The following KCNAB2 variants were observed in gnomAD, a reference collection of about 807,000 sequenced individuals.
The protein encoded by KCNAB2 is voltage-gated potassium channel subunit beta-2.
Under a neutral mutation model 63.6 loss-of-function variants are expected in KCNAB2, and 29 were observed. The ratio of observed to expected loss-of-function variants is 0.46; its 90% CI spans 0.34 to 0.62. The LOEUF (loss-of-function observed/expected upper bound fraction) is 0.62. KCNAB2 is among the 20% of genes least tolerant of loss of function. The pLI is 0.01. For synonymous variants in KCNAB2, 222 were observed against 224.2 expected (o/e 0.99, Z 0.09); for missense variants, 359 against 563.9 (o/e 0.64, Z 3.68).
chr1:6,026,110 G>T (rs1222722218), intron 1 of KCNAB2: 1 of 152,636 alleles, frequency 6.6e-6, no homozygotes, highest in East Asian at 1.9e-4. Flanking sequence ...GGCCCGGGCT[G>T]TCTCCTCACA....
intron 2 of KCNAB2, among the ~76,000 whole-genome samples, chr1:6,059,497 T>G (rs926707019): frequency 6.6e-6 from 1 of 152,114 alleles, no homozygotes; most frequent in African/African-American, 2.4e-5. Context: ...GCCACACCTG[T>G]TACACTACCG....
At chr1:6,051,985 CCAA>C (rs1348610614) in intron 2 of KCNAB2, among the ~76,000 whole-genome samples, 1 of 152,028 alleles carries the variant, frequency 6.6e-6, no homozygotes, top group Admixed American at 6.6e-5. Context: ...ACCTGTAGTC[CCAA>C]CTACTCAGGA....
chr1:6,015,682 T>C (rs1250479901), intron 1 of KCNAB2, among the ~76,000 whole-genome samples: 1 of 152,106 alleles, frequency 6.6e-6, no homozygotes, highest in Non-Finnish European at 1.5e-5. Context: ...TTTAGAGATT[T>C]TTGGTTGATT....
chr1:6,039,966 AG>A lies in KCNAB2; in HGVS notation c.-52-547del, dbSNP rs550089365. 2.8e-4 allele frequency among the ~76,000 whole-genome samples: 43 copies of A among 152,316 alleles called. No homozygotes were observed. In the East Asian group the frequency reaches 8.1e-3, roughly 29 times the overall value. On this transcript the variant is annotated intron_variant, in intron 1 of 15. Coordinates refer to the KCNAB2 transcript ENST00000164247. ...CTAGGTGCAGCCCACACTCCAGGAC[AG>A]GGGCTGCCCAAGGGCAGGAATCCCA...
intron 2 of KCNAB2, among the ~76,000 whole-genome samples, chr1:6,056,647 G>A (rs1661853820): frequency 6.6e-6 from 1 of 152,152 alleles, no homozygotes; most frequent in Non-Finnish European, 1.5e-5. Context: ...AAGGCTCTAC[G>A]TGGCCCTAGC....
At chr1:6,039,652 T>C (rs1269722022) in intron 1 of KCNAB2, among the ~76,000 whole-genome samples, 1 of 152,184 alleles carries the variant, frequency 6.6e-6, no homozygotes, top group Non-Finnish European at 1.5e-5. Flanking sequence ...ACCCCTGAGC[T>C]GCAGTCGAGG....
At chr1:6,043,122 A>AT (rs1660640304), upstream of KCNAB2, among the ~76,000 whole-genome samples, 2 of 152,326 alleles carry the variant, frequency 1.3e-5, no homozygotes, top group African/African-American at 2.4e-5. Context: ...TAACAAACAT[A>AT]TGCCGCTCAT....
intron 2 of KCNAB2, among the ~76,000 whole-genome samples, chr1:6,066,186 C>T (rs768922870): frequency 6.6e-6 from 1 of 152,204 alleles, no homozygotes; most frequent in Non-Finnish European, 1.5e-5. Context: ...CGCGCCGTGG[C>T]CATGGTGGCC....
intron 1 of KCNAB2, among the ~76,000 whole-genome samples, chr1:6,029,262 G>A (rs536199318): frequency 2.8e-5 from 4 of 143,112 alleles, no homozygotes; most frequent in Admixed American, 7.2e-5. Context: ...CAGCCCGGGC[G>A]ACTGAAGAGA....
chr1:6,000,089 G>A (rs570888343), intron 1 of KCNAB2, among the ~76,000 whole-genome samples: 1 of 152,236 alleles, frequency 6.6e-6, no homozygotes, highest in Non-Finnish European at 1.5e-5. Context: ...CTCTGTCTGT[G>A]CCCCATCTGG....
upstream of KCNAB2, chr1:6,041,529 A>G: frequency 2.2e-6 from 1 of 453,218 alleles, no homozygotes; most frequent in Non-Finnish European, 4.1e-6. Flanking sequence ...CATTCAATCC[A>G]AACCAACCCT....
intron 1 of KCNAB2, among the ~76,000 whole-genome samples, chr1:6,001,808 A>G (rs1657279181): frequency 6.6e-6 from 1 of 152,260 alleles, no homozygotes; most frequent in South Asian, 2.1e-4. Flanking sequence ...CGGCCTCAGA[A>G]AGCCCCTCTA....
chr1:6,089,060 G>A lies in KCNAB2; in HGVS notation c.514+9G>A, dbSNP rs959172575. The A allele has an allele frequency of 4.5e-6, 7 of 1,548,376 alleles. No individual in the cohort carries two copies. The highest frequency in any genetic ancestry group is 4.1e-5 in the African/African-American group (3 of 72,920). Reference sequence around the variant, plus strand: ...GAAGCACATAATCGAAGGTGAGGACGCGCTCGGGCACCTCAGGGCCCCCAT... The same window carrying A: ...GAAGCACATAATCGAAGGTGAGGACACGCTCGGGCACCTCAGGGCCCCCAT... On this transcript the variant is annotated intron_variant, in intron 8 of 15. Transcript: ENST00000378083.
intron 1 of KCNAB2, among the ~76,000 whole-genome samples, chr1:5,997,939 C>T (rs1657029178): frequency 6.6e-6 from 1 of 152,278 alleles, no homozygotes; most frequent in African/African-American, 2.4e-5. Context: ...CCACCTCCCT[C>T]CTCTAGGGCT....
rs527567418 is a variant in KCNAB2, at chr1:6,071,504, G to C, written c.219-1251G>C. Among the ~76,000 whole-genome samples, 7 of 152,340 alleles carry C rather than the reference G, an allele frequency of 4.6e-5. No individual in the cohort carries two copies. Among genetic ancestry groups the C allele is most frequent in the Non-Finnish European group, 1.0e-4 (7 of 68,010 alleles). On this transcript the variant is annotated intron_variant, in intron 2 of 15. Coordinates refer to ENST00000378083, the MANE Select transcript of KCNAB2 (RefSeq NM_001199862.2). This position sits in a 1 kb window ranked among gnomAD's most constrained non-coding sequence, Gnocchi z 8.5. ...ATCACGCCCTGCTTAACAGGCTGGGGTGTGGGATGCATGCCACCATGGTGG... is the reference window on the plus strand; with the variant it reads ...ATCACGCCCTGCTTAACAGGCTGGGCTGTGGGATGCATGCCACCATGGTGG...
At chr1:6,040,675 C>G in intron 2 of KCNAB2, 1 of 1,385,526 alleles carries the variant, frequency 7.2e-7, no homozygotes, top group Non-Finnish European at 1.0e-6. Flanking sequence ...CCCAGGCCCC[C>G]TCCCAGGGTC....
chr1:6,072,269 C>T (rs544765780), intron 2 of KCNAB2, among the ~76,000 whole-genome samples: 2 of 152,186 alleles, frequency 1.3e-5, no homozygotes, highest in Non-Finnish European at 2.9e-5. Context: ...GCTCCCCGCA[C>T]CCCGAGGGAC....
At chr1:6,000,608 TGTGA>T (rs377483894) in intron 1 of KCNAB2, among the ~76,000 whole-genome samples, 137 of 148,120 alleles carry the variant, frequency 9.2e-4, no homozygotes, top group African/African-American at 3.4e-3. Context: ...GCTCTGCTGG[TGTGA>T]GTGACAGTTA....
chr1:6,095,466 C>A, intron 12 of KCNAB2, 23 bp downstream of exon 12: 1 of 1,605,432 alleles, frequency 6.2e-7, no homozygotes, highest in Non-Finnish European at 8.5e-7. Context: ...GGGCCCCTCG[C>A]CCCGCCCCAC....
Sources: gnomAD v4.1 joint callset for allele counts (sites outside exome capture counted in the v4.1 genomes callset) on GRCh38, gnomAD v4.1.1 for gene constraint, Gnocchi (gnomAD v3.1) non-coding constraint, MANE v1.5 for transcripts, NCBI Gene and HGNC (gene_info 2026-07-23, HGNC 2026-07-21) for gene names.